The following AKAP6 variants were observed in gnomAD, a reference collection of about 807,000 sequenced individuals.
AKAP6 encodes the protein A-kinase anchor protein 6.
A neutral mutation model predicts 188.5 loss-of-function variants in AKAP6; 58 were observed. That is an observed-to-expected ratio of 0.31 (90% CI 0.25 to 0.38). AKAP6 has a LOEUF of 0.38. AKAP6 is among the 10% of genes least tolerant of loss of function. The probability of loss-of-function intolerance (pLI) is 1.00; values close to 1 mark genes in which losing one functional copy is unlikely to be tolerated. For missense variants in AKAP6, 2,710 were observed against 2,740.0 expected, an observed-to-expected ratio of 0.99 and a Z score of 0.24; for synonymous variants, 989 against 998.6, an observed-to-expected ratio of 0.99 and a Z score of 0.18.
intron 11 of AKAP6, among the ~76,000 whole-genome samples, chr14:32,768,373 A>T (rs1294318616): frequency 3.3e-5 from 5 of 152,200 alleles, no homozygotes; most frequent in African/African-American, 1.2e-4. Context: ...CATATGTATT[A>T]GAGTCATTAA....
At chr14:32,815,799 G>A (rs574984211) in intron 12 of AKAP6, among the ~76,000 whole-genome samples, 361 of 152,234 alleles carry the variant, frequency 2.4e-3, no homozygotes, top group Non-Finnish European at 3.7e-3. Context: ...TCTCCCCTAG[G>A]ACTTTACGTA....
At chr14:32,579,259 G>C (rs534689833) in intron 5 of AKAP6, among the ~76,000 whole-genome samples, 9 of 152,104 alleles carry the variant, frequency 5.9e-5, no homozygotes, top group African/African-American at 2.2e-4. Flanking sequence ...TTTGCTGTGG[G>C]CCACCAGTAT....
At chr14:32,530,362 TTG>T (rs955372905) in intron 2 of AKAP6, among the ~76,000 whole-genome samples, 2 of 152,006 alleles carry the variant, frequency 1.3e-5, no homozygotes, top group Non-Finnish European at 2.9e-5. Context: ...TTCTTTTTTT[TTG>T]TGTGTGTGTT....
intron 2 of AKAP6, among the ~76,000 whole-genome samples, chr14:32,449,760 G>A (rs928434723): frequency 1.3e-5 from 2 of 152,086 alleles, no homozygotes; most frequent in African/African-American, 2.4e-5. Flanking sequence ...AATAGTGGAA[G>A]GTATTCTTGA....
intron 3 of AKAP6, among the ~76,000 whole-genome samples, chr14:32,540,192 A>ATT (rs1555338084): frequency 1.3e-3 from 157 of 123,410 alleles, no homozygotes; most frequent in African/African-American, 4.5e-3. Flanking sequence ...ATATATATAT[A>ATT]TTTTAATTTT....
chr14:32,772,643 A>T (rs866078241), intron 11 of AKAP6, among the ~76,000 whole-genome samples: 1 of 152,186 alleles, frequency 6.6e-6, no homozygotes. Flanking sequence ...ACACTTAATC[A>T]TTTTAAGATT....
chr14:32,539,001 A>C (rs28479942), intron 3 of AKAP6, among the ~76,000 whole-genome samples: 5 of 152,100 alleles, frequency 3.3e-5, no homozygotes, highest in African/African-American at 1.2e-4. Context: ...TCTTCCTTCT[A>C]TCTTCTCTAT....
intron 9 of AKAP6, among the ~76,000 whole-genome samples, chr14:32,721,461 A>G (rs765993453): frequency 1.8e-4 from 27 of 152,232 alleles, no homozygotes; most frequent in Non-Finnish European, 5.9e-5. Flanking sequence ...ACCTAACCAC[A>G]TAAATTCTAT....
At chr14:32,571,721 C>T (rs770150979) in intron 4 of AKAP6, among the ~76,000 whole-genome samples, 2 of 152,066 alleles carry the variant, frequency 1.3e-5, no homozygotes, top group South Asian at 4.2e-4. Flanking sequence ...CATACACTTC[C>T]AAACAGCAAA....
intron 5 of AKAP6, among the ~76,000 whole-genome samples, chr14:32,578,929 C>T (rs1884848253): frequency 6.6e-6 from 1 of 152,078 alleles, no homozygotes; most frequent in Non-Finnish European, 1.5e-5. Context: ...TTATGTTAGC[C>T]TCTACTTCCT....
chr14:32,427,988 A>C (rs896537193), intron 1 of AKAP6, among the ~76,000 whole-genome samples: 2 of 152,214 alleles, frequency 1.3e-5, no homozygotes, highest in Non-Finnish European at 2.9e-5. Flanking sequence ...ATTTAGGCTT[A>C]GAGTTGATTT....
At chr14:32,606,350 A>C (rs7151038) in intron 7 of AKAP6, among the ~76,000 whole-genome samples, 135 of 152,276 alleles carry the variant, frequency 8.9e-4, no homozygotes, top group African/African-American at 2.9e-3. Flanking sequence ...AAGGCAAAAA[A>C]CAAAAAATCT....
At chr14:32,664,689 G>A (rs1178408177) in intron 7 of AKAP6, among the ~76,000 whole-genome samples, 2 of 151,808 alleles carry the variant, frequency 1.3e-5, no homozygotes, top group African/African-American at 4.8e-5. Flanking sequence ...CCTTTATTGG[G>A]TCTTCTCTCC....
At chr14:32,567,940 AAAG>A (rs796701153) in intron 4 of AKAP6, among the ~76,000 whole-genome samples, 8 of 152,254 alleles carry the variant, frequency 5.3e-5, no homozygotes, top group African/African-American at 1.9e-4. Flanking sequence ...CAAGTGGAAA[AAAG>A]AGGAGAAGTG....
rs767239711 is a variant in AKAP6, at chr14:32,678,341, C to G, written c.2761C>G (p.Gln921Glu). 25 of 1,613,088 alleles carry G rather than the reference C, an allele frequency of 1.5e-5. No individual in the cohort carries two copies. The highest frequency in any genetic ancestry group is 8.3e-5 in the Admixed American group (5 of 59,950). Reference sequence around the variant, plus strand: ...GGTTCAACTATGCTACCTGGAAGCACAAAGAGATGCTGTTGAGCAGATGTC... The same window carrying G: ...GGTTCAACTATGCTACCTGGAAGCAGAAAGAGATGCTGTTGAGCAGATGTC... The part of the protein sequence containing the change: ...AEVQLCYLEA[Q>E]RDAVEQMSLK... Residue 921 changes from glutamine (Q) to glutamate (E), a missense_variant, in exon 8 of 14, where the codon CAA (glutamine) becomes GAA (glutamate). This residue lies in a region of AKAP6 where 2,473 missense variants were observed against 2,426.1 expected (regional missense o/e 1.02). Coordinates refer to ENST00000280979, the MANE Select transcript of AKAP6 (RefSeq NM_004274.5).
In AKAP6 at chr14:32,510,378, G is replaced by A. The variant is rs985203819; in HGVS notation, c.325-25176G>A. 8.9e-5 allele frequency among the ~76,000 whole-genome samples: 5 copies of A among 56,006 alleles called. No individual in the cohort carries two copies. In the South Asian group the frequency reaches 1.6e-3, roughly 18 times the overall value. The allele number at this position is 56,006 out of a possible 152,430, so 36.7% of individuals were successfully genotyped here. On this transcript the variant is annotated intron_variant, in intron 2 of 13. Coordinates refer to ENST00000280979, the MANE Select transcript of AKAP6 (RefSeq NM_004274.5). ...TACATATATATATGTGTATATATAT[G>A]TGTATATATATATGTGTATATATAT...
chr14:32,423,682 C>T (rs1245280076), intron 1 of AKAP6, among the ~76,000 whole-genome samples: 5 of 152,026 alleles, frequency 3.3e-5, no homozygotes, highest in African/African-American at 4.8e-5. Context: ...AGCTACTTAT[C>T]GCTTGTTGAC....
chr14:32,542,104 C>G (rs1422455717), intron 3 of AKAP6, among the ~76,000 whole-genome samples: 2 of 152,168 alleles, frequency 1.3e-5, no homozygotes, highest in Non-Finnish European at 2.9e-5. Context: ...CCTCTCAACA[C>G]CCCTATGGCA....
chr14:32,329,517 A>T (rs1400782133), intron 1 of AKAP6, 109 bp downstream of exon 1: 1 of 151,986 alleles, frequency 6.6e-6, no homozygotes, highest in East Asian at 1.9e-4. Context: ...TGGACTGGGG[A>T]AAGAAGGGCT....
Sources: allele counts gnomAD v4.1 joint callset (sites outside exome capture counted in the v4.1 genomes callset), GRCh38; gene constraint gnomAD v4.1.1; regional missense constraint gnomAD v4.1.1; transcripts MANE v1.5; gene names NCBI Gene and HGNC (gene_info 2026-07-23, HGNC 2026-07-21).